PAPPA: variants seen among roughly 807,000 people sequenced by gnomAD.
The protein encoded by PAPPA is pappalysin 1, also known as pappalysin-1.
Under a neutral mutation model 164.0 loss-of-function variants are expected in PAPPA, and 60 were observed. The ratio of observed to expected loss-of-function variants is 0.37; its 90% CI spans 0.30 to 0.45. The LOEUF (loss-of-function observed/expected upper bound fraction) is 0.45. PAPPA is among the 20% of genes least tolerant of loss of function. The pLI is 1.00. For synonymous variants in PAPPA, 875 were observed against 814.1 expected (o/e 1.07, Z -1.27); for missense variants, 1,782 against 2,087.3 (o/e 0.85, Z 2.85).
At chr9:116,274,687 T>G (rs1018464346) in intron 9 of PAPPA, among the ~76,000 whole-genome samples, 3 of 152,202 alleles carry the variant, frequency 2.0e-5, no homozygotes, top group Admixed American at 2.0e-4. Context: ...TTTTGGATAC[T>G]TTCTATCAGA....
chr9:116,160,220 G>T (rs756877240), intron 1 of PAPPA, among the ~76,000 whole-genome samples: 1 of 152,194 alleles, frequency 6.6e-6, no homozygotes, highest in Admixed American at 6.5e-5. Flanking sequence ...ATTTGGGGAA[G>T]TTCCGGTGCC....
chr9:116,237,708 T>C (rs1357845526), intron 7 of PAPPA, among the ~76,000 whole-genome samples: 1 of 151,820 alleles, frequency 6.6e-6, no homozygotes, highest in Non-Finnish European at 1.5e-5. Context: ...CTGGATTAAT[T>C]CTTCTCTCTC....
intron 19 of PAPPA, among the ~76,000 whole-genome samples, chr9:116,371,193 A>G (rs541312281): frequency 7.2e-6 from 1 of 139,836 alleles, no homozygotes; most frequent in South Asian, 2.3e-4. Flanking sequence ...AAGGCAGGTG[A>G]ATCACCTGAG....
intron 3 of PAPPA, among the ~76,000 whole-genome samples, chr9:116,210,814 A>C (rs1257011382): frequency 6.6e-6 from 1 of 152,196 alleles, no homozygotes; most frequent in Non-Finnish European, 1.5e-5. Flanking sequence ...GAGATTCTGC[A>C]TTTCTACTAA....
At chr9:116,263,103 C>A (rs993677335) in intron 7 of PAPPA, among the ~76,000 whole-genome samples, 7 of 152,160 alleles carry the variant, frequency 4.6e-5, no homozygotes, top group African/African-American at 1.4e-4. Context: ...GGGATAACAA[C>A]ACCTTCCTCA....
At chr9:116,351,714 A>G (rs1194114082) in intron 15 of PAPPA, among the ~76,000 whole-genome samples, 1 of 152,234 alleles carries the variant, frequency 6.6e-6, no homozygotes, top group African/African-American at 2.4e-5. Flanking sequence ...AAAGACTGTC[A>G]TACTAAATGC....
Position 116,154,632 on chromosome 9 carries a change from CCA to C in PAPPA, c.415+46_415+47del. The C allele has an allele frequency of 8.6e-6, 11 of 1,283,810 alleles. No homozygotes were observed. The highest frequency in any genetic ancestry group is 1.1e-5 in the Non-Finnish European group (11 of 1,014,376). The allele number at this position is 1,283,810 out of a possible 1,614,324, so 79.5% of individuals were successfully genotyped here. The stretch of plus-strand genomic sequence containing the variant: ...CGGGCGCTGCACCGTCCCTGCGGCC[CCA>C]GAGGCTCGCGGGTGTCTGGGCGCGG... On this transcript the variant is annotated intron_variant, in intron 1 of 21. Transcript: ENST00000328252. The surrounding 1 kb of genome is among the most constrained non-coding windows in gnomAD (Gnocchi z 5.2).
rs1444121506 is a variant in PAPPA at position 116,398,497 on chromosome 9, G to T, written c.*1881G>T. Reference sequence around the variant, plus strand: ...TAGCACTTAAAAAAAAAAAAAAAAAGAGACCAAAAATAACTTTAGGAACCA... The same window carrying T: ...TAGCACTTAAAAAAAAAAAAAAAAATAGACCAAAAATAACTTTAGGAACCA... On this transcript the variant is annotated 3_prime_UTR_variant, in exon 22 of 22. Transcript: ENST00000328252. 83 of 876,292 alleles carry T rather than the reference G, an allele frequency of 9.5e-5. No homozygotes were observed. The highest frequency in any genetic ancestry group is 4.0e-4 in the Middle Eastern group (1 of 2,508). The allele number at this position is 876,292 out of a possible 1,614,324, so 54.3% of individuals were successfully genotyped here. A position where few individuals can be genotyped will look rare whatever the true frequency, so the allele number is the denominator to read the frequency against.
At chr9:116,272,120 C>G (rs529547043) in intron 9 of PAPPA, among the ~76,000 whole-genome samples, 5 of 152,310 alleles carry the variant, frequency 3.3e-5, no homozygotes, top group African/African-American at 1.2e-4. Flanking sequence ...TTCAGCCCCA[C>G]TTGGGAGGCC....
chr9:116,244,501 G>A (rs1168132373), intron 7 of PAPPA, among the ~76,000 whole-genome samples: 2 of 152,134 alleles, frequency 1.3e-5, no homozygotes, highest in Admixed American at 6.6e-5. Context: ...AATCTGGTAG[G>A]AGAGCTGAAT....
At chr9:116,258,757 T>C (rs113895224) in intron 7 of PAPPA, among the ~76,000 whole-genome samples, 189 of 152,358 alleles carry the variant, frequency 1.2e-3, no homozygotes, top group African/African-American at 4.3e-3. Flanking sequence ...AACTGTTATC[T>C]TAAAGAGATT....
chr9:116,306,466 T>C (rs186837056), intron 10 of PAPPA, among the ~76,000 whole-genome samples: 48 of 152,340 alleles, frequency 3.2e-4, no homozygotes, highest in Admixed American at 2.2e-3. Flanking sequence ...ACCCTGAACA[T>C]TGAGTCTCAT....
intron 17 of PAPPA, among the ~76,000 whole-genome samples, chr9:116,361,087 G>C (rs887111216): frequency 6.6e-6 from 1 of 152,210 alleles, no homozygotes; most frequent in African/African-American, 2.4e-5. Context: ...GAAGTTCAAG[G>C]TTGGTGGTGG....
intron 6 of PAPPA, among the ~76,000 whole-genome samples, chr9:116,232,603 G>A (rs1844612485): frequency 6.6e-6 from 1 of 152,210 alleles, no homozygotes; most frequent in Admixed American, 6.5e-5. Context: ...CTGCGTCACA[G>A]ACTTAGTGCC....
At chr9:116,163,635 A>G (rs1174622798) in intron 1 of PAPPA, among the ~76,000 whole-genome samples, 1 of 152,182 alleles carries the variant, frequency 6.6e-6, no homozygotes, top group African/African-American at 2.4e-5. Context: ...GAAGTTGGCA[A>G]TAGTTCCAGT....
At chr9:116,182,146 C>A (rs996825507) in intron 1 of PAPPA, among the ~76,000 whole-genome samples, 6 of 152,136 alleles carry the variant, frequency 3.9e-5, no homozygotes, top group African/African-American at 1.4e-4. Context: ...CTCAGTCTAT[C>A]CTGAAGAGGG....
chr9:116,245,529 T>C (rs959495631), intron 7 of PAPPA, among the ~76,000 whole-genome samples: 4 of 152,112 alleles, frequency 2.6e-5, no homozygotes, highest in African/African-American at 9.7e-5. Context: ...GAAAAGTGAA[T>C]GAATTGGAGG....
At chr9:116,362,531 T>C in intron 17 of PAPPA, 61 bp from the exon 18 acceptor site, 1 of 1,538,902 alleles carries the variant, frequency 6.5e-7, no homozygotes, top group Admixed American at 1.8e-5. Flanking sequence ...GTATTCAGAA[T>C]AGCTTATTCA....
At chr9:116,303,784 G>C (rs929054222) in intron 10 of PAPPA, among the ~76,000 whole-genome samples, 1 of 152,100 alleles carries the variant, frequency 6.6e-6, no homozygotes, top group Non-Finnish European at 1.5e-5. Flanking sequence ...GGTTTAGTCG[G>C]GTAGCCCTGG....
Sources: allele counts gnomAD v4.1 joint callset (sites outside exome capture counted in the v4.1 genomes callset), GRCh38; gene constraint gnomAD v4.1.1; non-coding constraint Gnocchi (gnomAD v3.1); transcripts MANE v1.5; gene names NCBI Gene and HGNC (gene_info 2026-07-23, HGNC 2026-07-21).